N4BP2L1: variants seen among roughly 807,000 people sequenced by gnomAD.
N4BP2L1 encodes NEDD4 binding protein 2 like 1.
A neutral mutation model predicts 21.2 loss-of-function variants in N4BP2L1; 12 were observed. The ratio of observed to expected loss-of-function variants is 0.57; its 90% CI spans 0.36 to 0.92. The LOEUF (loss-of-function observed/expected upper bound fraction) is 0.92. Among genes scored for constraint, N4BP2L1 ranks in the 40% least tolerant of loss-of-function variants. The probability of loss-of-function intolerance (pLI) is 0.01; values close to 1 mark genes in which losing one functional copy is unlikely to be tolerated. For synonymous variants in N4BP2L1, 104 were observed against 112.8 expected, an observed-to-expected ratio of 0.92 and a Z score of 0.49; for missense variants, 259 against 310.6, an observed-to-expected ratio of 0.83 and a Z score of 1.25.
At chr13:32,428,409 C>A (rs935441936), upstream of N4BP2L1, 1 of 209,210 alleles carries the variant, frequency 4.8e-6, no homozygotes, top group Non-Finnish European at 9.5e-6. Flanking sequence ...TGGGACACTT[C>A]CCCGGCCTGG....
intron 1 of N4BP2L1, among the ~76,000 whole-genome samples, chr13:32,410,190 T>C (rs1593251757): frequency 6.6e-6 from 1 of 152,244 alleles, no homozygotes; most frequent in Admixed American, 6.5e-5. Context: ...GGCAGCTGCG[T>C]CACCTGACTA....
chr13:32,406,132 A>G (rs1772278102), intron 3 of N4BP2L1, among the ~76,000 whole-genome samples: 1 of 150,646 alleles, frequency 6.6e-6, no homozygotes, highest in Admixed American at 6.6e-5. Context: ...GATGGTCTCA[A>G]TCTCCTGACC....
chr13:32,403,647 T>C (rs1450572678), intron 4 of N4BP2L1: 1 of 529,284 alleles, frequency 1.9e-6, no homozygotes, highest in Non-Finnish European at 3.9e-6. Flanking sequence ...TAGTTAGAAA[T>C]ATAATTACCA....
At chr13:32,422,785 G>A (rs144533398) in intron 1 of N4BP2L1, among the ~76,000 whole-genome samples, 18 of 152,232 alleles carry the variant, frequency 1.2e-4, no homozygotes, top group African/African-American at 3.9e-4. Context: ...AAGGACTCTC[G>A]GTAGTGAGGA....
At chr13:32,405,892 CTT>C (rs754694153) in intron 3 of N4BP2L1, among the ~76,000 whole-genome samples, 16,198 of 101,032 alleles carry the variant, frequency 0.16, 1,754 homozygotes, top group East Asian at 0.36. Flanking sequence ...TTCCTGCCCC[CTT>C]TTTTTTTTTT....
At chr13:32,411,764 T>G in intron 1 of N4BP2L1, 1 of 979,878 alleles carries the variant, frequency 1.0e-6, no homozygotes, top group Non-Finnish European at 1.2e-6. Flanking sequence ...TTTTGTGTAA[T>G]TCTTTATTTA....
intron 1 of N4BP2L1, among the ~76,000 whole-genome samples, chr13:32,423,644 T>C (rs2074607187): frequency 6.6e-6 from 1 of 152,168 alleles, no homozygotes; most frequent in Non-Finnish European, 1.5e-5. Flanking sequence ...TGGATGAACC[T>C]TGAAAACATT....
intron 1 of N4BP2L1, among the ~76,000 whole-genome samples, chr13:32,417,530 T>C (rs1266843234): frequency 1.3e-5 from 2 of 152,122 alleles, no homozygotes; most frequent in Non-Finnish European, 2.9e-5. Flanking sequence ...CCTTTATAAA[T>C]TACCCAGTTT....
intron 1 of N4BP2L1, among the ~76,000 whole-genome samples, chr13:32,415,082 T>A (rs551570863): frequency 5.9e-5 from 9 of 152,228 alleles, no homozygotes; most frequent in Non-Finnish European, 1.2e-4. Flanking sequence ...AATTAAAATG[T>A]CTATATCTTG....
intron 4 of N4BP2L1, 95 bp from the exon 5 acceptor site, chr13:32,403,295 C>T: frequency 7.7e-7 from 1 of 1,299,936 alleles, no homozygotes; most frequent in Non-Finnish European, 1.1e-6. Context: ...ATTGCAGTCC[C>T]TGTTCTCAGG....
At chr13:32,420,909 G>A (rs1314842690) in intron 1 of N4BP2L1, among the ~76,000 whole-genome samples, 1 of 151,918 alleles carries the variant, frequency 6.6e-6, no homozygotes, top group Non-Finnish European at 1.5e-5. Context: ...TGGCCAGGAT[G>A]GTCTCGAACT....
chr13:32,410,246 G>A (rs2073776301), intron 1 of N4BP2L1, among the ~76,000 whole-genome samples: 2 of 152,222 alleles, frequency 1.3e-5, no homozygotes, highest in Admixed American at 1.3e-4. Context: ...TCACACGTCT[G>A]GTGGTGCTGG....
intron 1 of N4BP2L1, 53 bp downstream of exon 1, chr13:32,427,851 G>A: frequency 6.4e-6 from 8 of 1,241,526 alleles, no homozygotes; most frequent in Non-Finnish European, 8.3e-6. Context: ...CGCTCGGCCG[G>A]GGCGTTTGGT....
At chr13:32,415,838 C>G (rs1363233166) in intron 1 of N4BP2L1, 1 of 152,122 alleles carries the variant, frequency 6.6e-6, no homozygotes, top group Non-Finnish European at 1.5e-5. Context: ...TCAACCAACC[C>G]CCACTTTAAC....
At chr13:32,416,323 G>A (rs2074136354) in intron 1 of N4BP2L1, among the ~76,000 whole-genome samples, 1 of 152,194 alleles carries the variant, frequency 6.6e-6, no homozygotes, top group Non-Finnish European at 1.5e-5. Flanking sequence ...AGAAATTAGG[G>A]CCAACGAGTG....
At chr13:32,417,473 T>C (rs2074215159) in intron 1 of N4BP2L1, among the ~76,000 whole-genome samples, 1 of 152,202 alleles carries the variant, frequency 6.6e-6, no homozygotes, top group African/African-American at 2.4e-5. Context: ...ATAAGTTTCC[T>C]GAGGCCTCCC....
chr13:32,426,354 T>C (rs1242308639), intron 1 of N4BP2L1, among the ~76,000 whole-genome samples: 2 of 152,164 alleles, frequency 1.3e-5, no homozygotes, highest in Non-Finnish European at 2.9e-5. Flanking sequence ...CCACCATGAC[T>C]GTATCACAAA....
chr13:32,411,467 T>C, intron 1 of N4BP2L1: 2 of 958,984 alleles, frequency 2.1e-6, no homozygotes, highest in Non-Finnish European at 2.5e-6. Context: ...ACTAGCTAAA[T>C]AAAGAACTGA....
At position 32,407,578 on chromosome 13, in the gene N4BP2L1, A is replaced by T. The variant is rs750344357; in HGVS notation, c.307+67T>A. 9.3e-6 allele frequency: 15 copies of T among 1,606,102 alleles called. No homozygotes were observed. In the South Asian group the frequency reaches 1.7e-4, roughly 18 times the overall value. On this transcript the variant is annotated intron_variant, in intron 2 of 4. Coordinates refer to ENST00000380130, the MANE Select transcript of N4BP2L1 (RefSeq NM_052818.3). ...TAAACTCCTTCCATAAAATTTATTC[A>T]TTCTGCAGCAGCTACAATCTATGTG...
Sources: gnomAD v4.1 joint callset for allele counts (sites outside exome capture counted in the v4.1 genomes callset) on GRCh38, gnomAD v4.1.1 for gene constraint, MANE v1.5 for transcripts, NCBI Gene and HGNC (gene_info 2026-07-23, HGNC 2026-07-21) for gene names.